The following RABGAP1L variants were observed in gnomAD, a reference collection of about 807,000 sequenced individuals.
The protein encoded by RABGAP1L is rab GTPase-activating protein 1-like.
RABGAP1L carries 63 observed loss-of-function variants against 137.7 expected under a neutral mutation model. That is an observed-to-expected ratio of 0.46 (90% CI 0.37 to 0.56). The LOEUF (loss-of-function observed/expected upper bound fraction) is 0.56, where lower values mean the gene tolerates loss of function less well. RABGAP1L is among the 20% of genes least tolerant of loss of function. The probability of loss-of-function intolerance (pLI) is 0.00; values close to 1 mark genes in which losing one functional copy is unlikely to be tolerated. For synonymous variants in RABGAP1L, 431 were observed against 433.7 expected (o/e 0.99, Z 0.08); for missense variants, 1,095 against 1,244.0 (o/e 0.88, Z 1.80).
chr1:174,476,729 G>T (rs569336263), intron 13 of RABGAP1L, among the ~76,000 whole-genome samples: 110 of 152,272 alleles, frequency 7.2e-4, no homozygotes, highest in African/African-American at 2.3e-3. Context: ...TCCTCCAGAA[G>T]TTCCAAAGCG....
intron 13 of RABGAP1L, among the ~76,000 whole-genome samples, chr1:174,439,229 A>T: frequency 6.6e-6 from 1 of 152,166 alleles, no homozygotes; most frequent in East Asian, 1.9e-4. Flanking sequence ...AAGTGTCTTT[A>T]TCAGGTTGAG....
At chr1:174,662,057 T>A (rs192778790) in intron 14 of RABGAP1L, among the ~76,000 whole-genome samples, 1 of 152,086 alleles carries the variant, frequency 6.6e-6, no homozygotes, top group East Asian at 1.9e-4. Context: ...TAAAACAGCC[T>A]GAGGTAGGTC....
intron 19 of RABGAP1L, among the ~76,000 whole-genome samples, chr1:174,848,452 G>A (rs1647441625): frequency 6.8e-6 from 1 of 147,004 alleles, no homozygotes; most frequent in Admixed American, 6.7e-5. Context: ...TAACAGACAG[G>A]ACCCTCAGCT....
At chr1:174,888,773 A>G (rs1342561481) in intron 19 of RABGAP1L, among the ~76,000 whole-genome samples, 1 of 152,190 alleles carries the variant, frequency 6.6e-6, no homozygotes, top group Non-Finnish European at 1.5e-5. Flanking sequence ...CTGGGATTAC[A>G]GACGTGAGCC....
At chr1:174,548,527 T>C in intron 13 of RABGAP1L, 1 of 963,704 alleles carries the variant, frequency 1.0e-6, no homozygotes, top group South Asian at 4.8e-5. Context: ...AATTATTCTG[T>C]AAGTTTTTCA....
At chr1:174,394,275 C>T (rs767830986) in intron 13 of RABGAP1L, 130 bp downstream of exon 13, 60 of 1,046,700 alleles carry the variant, frequency 5.7e-5, no homozygotes, top group Middle Eastern at 3.1e-4. Context: ...GAAGTCAGTA[C>T]TTCTACCTTT....
At chr1:174,425,419 T>C (rs1651837225) in intron 13 of RABGAP1L, among the ~76,000 whole-genome samples, 1 of 152,078 alleles carries the variant, frequency 6.6e-6, no homozygotes, top group Non-Finnish European at 1.5e-5. Context: ...AATTTCTCTC[T>C]GTCATCCAGT....
chr1:174,780,816 C>A (rs549265767), intron 18 of RABGAP1L, among the ~76,000 whole-genome samples: 9 of 144,768 alleles, frequency 6.2e-5, no homozygotes, highest in African/African-American at 2.3e-4. Context: ...TGAGAACATG[C>A]GGTGTTTGGT....
chr1:174,721,521 A>G (rs921988821), intron 17 of RABGAP1L, among the ~76,000 whole-genome samples: 1 of 152,214 alleles, frequency 6.6e-6, no homozygotes, highest in Non-Finnish European at 1.5e-5. Context: ...GTTGACAGAG[A>G]ACAGATGCAT....
intron 11 of RABGAP1L, among the ~76,000 whole-genome samples, chr1:174,317,920 G>A (rs905933905): frequency 6.6e-6 from 1 of 152,050 alleles, no homozygotes; most frequent in African/African-American, 2.4e-5. Flanking sequence ...TCCTCTAACA[G>A]GACAGCACTA....
chr1:174,615,237 T>A (rs922761231), intron 13 of RABGAP1L, among the ~76,000 whole-genome samples: 1 of 152,178 alleles, frequency 6.6e-6, no homozygotes, highest in African/African-American at 2.4e-5. Context: ...TGATGATGGT[T>A]ATGTACAGAT....
intron 13 of RABGAP1L, among the ~76,000 whole-genome samples, chr1:174,635,100 T>C (rs1225228516): frequency 6.6e-6 from 1 of 151,980 alleles, no homozygotes; most frequent in Non-Finnish European, 1.5e-5. Context: ...TACTCAGTGT[T>C]AGGCAAATTT....
intron 14 of RABGAP1L, among the ~76,000 whole-genome samples, chr1:174,682,060 C>T (rs556250021): frequency 6.6e-6 from 1 of 152,156 alleles, no homozygotes; most frequent in Non-Finnish European, 1.5e-5. Flanking sequence ...GTGAGAGGAA[C>T]ACCTGAGGTC....
intron 14 of RABGAP1L, among the ~76,000 whole-genome samples, chr1:174,648,653 G>C (rs1030993293): frequency 2.0e-5 from 3 of 152,090 alleles, no homozygotes; most frequent in Non-Finnish European, 4.4e-5. Flanking sequence ...GTGCGATGTG[G>C]TGCTCAGAAA....
chr1:174,432,678 C>T (rs1476336021), intron 13 of RABGAP1L, among the ~76,000 whole-genome samples: 1 of 152,160 alleles, frequency 6.6e-6, no homozygotes, highest in Non-Finnish European at 1.5e-5. Flanking sequence ...GCTGGGACTA[C>T]AAGCGTGCGC....
chr1:174,974,865 G>A (rs1396313258), intron 21 of RABGAP1L, among the ~76,000 whole-genome samples: 1 of 152,212 alleles, frequency 6.6e-6, no homozygotes, highest in African/African-American at 2.4e-5. Flanking sequence ...GTCCTCAGCA[G>A]ACTGGGCTGG....
At chr1:174,375,747 G>T (rs1685470138) in intron 12 of RABGAP1L, among the ~76,000 whole-genome samples, 1 of 151,980 alleles carries the variant, frequency 6.6e-6, no homozygotes, top group Non-Finnish European at 1.5e-5. Flanking sequence ...GGCCAAAATG[G>T]CAAATTCTAC....
intron 13 of RABGAP1L, among the ~76,000 whole-genome samples, chr1:174,418,475 A>G (rs985368954): frequency 7.9e-5 from 12 of 152,362 alleles, no homozygotes; most frequent in African/African-American, 2.9e-4. Context: ...GAGAATGGTT[A>G]TAATTAAATC....
intron 13 of RABGAP1L, among the ~76,000 whole-genome samples, chr1:174,475,066 TA>T (rs1302353830): frequency 8.5e-5 from 13 of 152,158 alleles, no homozygotes; most frequent in African/African-American, 2.7e-4. Context: ...AATAAATATT[TA>T]AATGATAGCT....
Sources: allele counts gnomAD v4.1 joint callset (sites outside exome capture counted in the v4.1 genomes callset), GRCh38; gene constraint gnomAD v4.1.1; transcripts MANE v1.5; gene names NCBI Gene and HGNC (gene_info 2026-07-23, HGNC 2026-07-21).